Variants in STAC2 observed in about 807,000 individuals in gnomAD.
STAC2 encodes SH3 and cysteine rich domain 2.
STAC2 carries 36 observed loss-of-function variants against 49.0 expected under a neutral mutation model. The ratio of observed to expected loss-of-function variants is 0.74; its 90% CI spans 0.56 to 0.97. The LOEUF is 0.97. Among genes scored for constraint, STAC2 ranks in the 50% least tolerant of loss-of-function variants. The probability of loss-of-function intolerance (pLI) is 0.00; values close to 1 mark genes in which losing one functional copy is unlikely to be tolerated. For missense variants in STAC2, 527 were observed against 543.8 expected (o/e 0.97, Z 0.31); for synonymous variants, 239 against 214.7 (o/e 1.11, Z -0.99).
At chr17:39,216,523 A>G (rs929987354) in intron 4 of STAC2, among the ~76,000 whole-genome samples, 3 of 152,254 alleles carry the variant, frequency 2.0e-5, no homozygotes, top group Admixed American at 6.5e-5. Flanking sequence ...CCCCAAATTC[A>G]GGACAGGAAC....
In STAC2 at chr17:39,211,636, C is replaced by T. The variant is rs936677714; in HGVS notation, c.*656G>A. 2 of 152,778 alleles carry T rather than the reference C, an allele frequency of 1.3e-5. No homozygotes were observed. The highest frequency in any genetic ancestry group is 2.9e-5 in the Non-Finnish European group (2 of 68,072). The allele number at this position is 152,778 out of a possible 1,614,324, so 9.5% of individuals were successfully genotyped here. On this transcript the variant is annotated 3_prime_UTR_variant, in exon 11 of 11. Coordinates refer to ENST00000333461, the MANE Select transcript of STAC2 (RefSeq NM_198993.5). ...GATAGTCTCTGATTTGTTACACCTT[C>T]CAGGGACCTCAGCCTTCCCCTCATC... is the stretch of plus-strand genomic sequence containing the variant.
In STAC2 at chr17:39,217,838, C is replaced by T. The variant is rs373427601; in HGVS notation, c.397+29G>A. ...CCCAGTACCCACGCTGGCCCCTCCC[C>T]GTGGCCGCCTCAGTGCCCAGGCACC... On this transcript the variant is annotated intron_variant, in intron 2 of 10. Coordinates refer to ENST00000333461, the MANE Select transcript of STAC2 (RefSeq NM_198993.5). The T allele has an allele frequency of 5.0e-4, 795 of 1,576,776 alleles. 1 individual carries two copies. Among genetic ancestry groups the T allele is most frequent in the Non-Finnish European group, 6.4e-4 (745 of 1,162,052 alleles).
At chr17:39,223,930 T>C (rs2046485655) in intron 1 of STAC2, among the ~76,000 whole-genome samples, 1 of 152,144 alleles carries the variant, frequency 6.6e-6, no homozygotes, top group African/African-American at 2.4e-5. Context: ...GACTGAGACT[T>C]GGCTCTCTAA....
intron 1 of STAC2, among the ~76,000 whole-genome samples, chr17:39,221,924 C>T (rs2046466965): frequency 6.6e-6 from 1 of 152,232 alleles, no homozygotes; most frequent in African/African-American, 2.4e-5. Context: ...GGCCTGGCCA[C>T]ATCCCGTCTC....
chr17:39,212,428 G>A, intron 10 of STAC2, 32 bp from the exon 11 acceptor site: 1 of 1,552,216 alleles, frequency 6.4e-7, no homozygotes, highest in Non-Finnish European at 8.8e-7. Context: ...CTGAGGCCTG[G>A]CATGGCCTGC....
rs1352887562 is a variant in STAC2, at chr17:39,212,259, G to T, written c.*33C>A. The T allele has an allele frequency of 1.0e-5, 16 of 1,528,342 alleles. 1 individual carries two copies. In the South Asian group the frequency reaches 1.9e-4, roughly 18 times the overall value. The allele number at this position is 1,528,342 out of a possible 1,614,324, so 94.7% of individuals were successfully genotyped here. On this transcript the variant is annotated 3_prime_UTR_variant, in exon 11 of 11. Coordinates refer to ENST00000333461, the MANE Select transcript of STAC2 (RefSeq NM_198993.5). ...GGCCAGAAGCAAGGTCCAGGCATGG[G>T]CAAGGGTGTCATCTGGGTTCCCTTG... is the stretch of plus-strand genomic sequence containing the variant.
At chr17:39,221,785 C>T (rs913517249) in intron 1 of STAC2, among the ~76,000 whole-genome samples, 5 of 148,802 alleles carry the variant, frequency 3.4e-5, no homozygotes, top group African/African-American at 1.3e-4. Context: ...CTGGGCCCTG[C>T]CTGGGCCATC....
At position 39,215,240 on chromosome 17, in the gene STAC2, A is replaced by T. The variant is rs368542539; in HGVS notation, c.587-10T>A. 2.2e-5 allele frequency: 35 copies of T among 1,613,586 alleles called. No individual in the cohort carries two copies. In the African/African-American group the frequency reaches 4.4e-4, roughly 20 times the overall value. ...ACCTTCCCACTGTCCCCTGCAGATT[A>T]TCCACCCTCAAGGCCTGGCTCTGCC... On this transcript the variant is annotated splice_polypyrimidine_tract_variant and intron_variant, in intron 4 of 10. Transcript: ENST00000333461.
chr17:39,212,871 G>A (rs189108109), intron 10 of STAC2, 124 bp downstream of exon 10: 30 of 1,465,844 alleles, frequency 2.0e-5, no homozygotes, highest in East Asian at 6.9e-5. Flanking sequence ...TTTCTAACCC[G>A]CTTTCCCCTC....
chr17:39,219,625 A>G (rs371442002), intron 1 of STAC2, among the ~76,000 whole-genome samples: 2 of 152,194 alleles, frequency 1.3e-5, no homozygotes, highest in Non-Finnish European at 2.9e-5. Flanking sequence ...TGGTGAATAC[A>G]TGAGCCAGCG....
At chr17:39,218,295 TGAGGGCCA>T in intron 1 of STAC2, 122 bp from the exon 2 acceptor site, 1 of 1,016,090 alleles carries the variant, frequency 9.8e-7, no homozygotes, top group East Asian at 2.5e-5. Context: ...GCGTGGGGGC[TGAGGGCCA>T]GAGCGAAATG....
chr17:39,212,133 T>A lies in STAC2; in HGVS notation c.*159A>T, dbSNP rs2046359612. The A allele has an allele frequency of 3.0e-6, 1 of 338,234 alleles. No individual in the cohort carries two copies. Among genetic ancestry groups the A allele is most frequent in the South Asian group, 3.0e-5 (1 of 33,018 alleles). 21.0% of individuals were successfully genotyped at this position (338,234 alleles called of 1,614,324 possible). ...GCACCCCACCCAAGAAATAAAATCT[T>A]CCCCAGTACAAAAGGCTCCTAAGCC... is the stretch of plus-strand genomic sequence containing the variant. On this transcript the variant is annotated 3_prime_UTR_variant, in exon 11 of 11. Coordinates refer to ENST00000333461, the MANE Select transcript of STAC2 (RefSeq NM_198993.5).
At chr17:39,218,479 G>A (rs933208116) in intron 1 of STAC2, among the ~76,000 whole-genome samples, 1 of 152,184 alleles carries the variant, frequency 6.6e-6, no homozygotes, top group African/African-American at 2.4e-5. Flanking sequence ...GTAGCTGCAG[G>A]TCTCCTCAAG....
chr17:39,214,086 C>T, intron 8 of STAC2, 147 bp downstream of exon 8: 3 of 867,576 alleles, frequency 3.5e-6, no homozygotes, highest in South Asian at 1.6e-5. Context: ...GCATGAGTCA[C>T]TCTTAGACCC....
Position 39,225,275 on chromosome 17 carries a change from C to G in STAC2, c.90+138G>C, listed in dbSNP as rs1454669111. On this transcript the variant is annotated intron_variant, in intron 1 of 10. Transcript: ENST00000333461. This position sits in a 1 kb window ranked among gnomAD's most constrained non-coding sequence, Gnocchi z 8.2. ...CTCGTCGCCAACCCACTCCTACCCC[C>G]GGGAGCGGCGCGGAGCCTCAGTGGT... is the stretch of plus-strand genomic sequence containing the variant. 4.0e-5 allele frequency: 27 copies of G among 677,850 alleles called. No individual in the cohort carries two copies. The East Asian group carries it at 8.0e-4, about 20-fold the overall frequency. 42.0% of individuals were successfully genotyped at this position (677,850 alleles called of 1,614,324 possible). A position where few individuals can be genotyped will look rare whatever the true frequency, so the allele number is the denominator to read the frequency against.
At position 39,225,809 on chromosome 17, in the gene STAC2, G is replaced by A. The variant is rs1283421194; in HGVS notation, c.-307C>T. The A allele has an allele frequency of 2.5e-6, 1 of 395,010 alleles. No individual in the cohort carries two copies. The highest frequency in any genetic ancestry group is 4.4e-5 in the Admixed American group (1 of 22,754). 24.5% of individuals were successfully genotyped at this position (395,010 alleles called of 1,614,324 possible). On this transcript the variant is annotated 5_prime_UTR_variant, in exon 1 of 11. Transcript: ENST00000333461. The surrounding 1 kb of genome is among the most constrained non-coding windows in gnomAD (Gnocchi z 8.2). The stretch of plus-strand genomic sequence containing the variant: ...AAGTGGGGCCGCGGGGATGAGCCGA[G>A]GGAGGGAGCCAAGGAGCTGTCCGTG...
intron 2 of STAC2, 100 bp downstream of exon 2, chr17:39,217,767 T>G: frequency 8.0e-7 from 1 of 1,251,574 alleles, no homozygotes; most frequent in Non-Finnish European, 1.1e-6. Context: ...TTGGGGCTCC[T>G]GAACAGCAAG....
At chr17:39,221,951 T>C (rs2046467251) in intron 1 of STAC2, among the ~76,000 whole-genome samples, 1 of 152,308 alleles carries the variant, frequency 6.6e-6, no homozygotes, top group Admixed American at 6.5e-5. Context: ...TGGTCACCTC[T>C]TGTGATGGGA....
chr17:39,214,112 C>G, intron 8 of STAC2, 121 bp downstream of exon 8: 3 of 1,137,714 alleles, frequency 2.6e-6, no homozygotes, highest in Non-Finnish European at 3.8e-6. Flanking sequence ...AGTTCCAGCT[C>G]CTGTCTGGGC....
Sources: allele counts gnomAD v4.1 joint callset (sites outside exome capture counted in the v4.1 genomes callset), GRCh38; gene constraint gnomAD v4.1.1; non-coding constraint Gnocchi (gnomAD v3.1); transcripts MANE v1.5; gene names NCBI Gene and HGNC (gene_info 2026-07-23, HGNC 2026-07-21).